Variants in CACNB2 observed in about 807,000 individuals in gnomAD.
CACNB2 encodes calcium voltage-gated channel auxiliary subunit beta 2.
Under a neutral mutation model 73.3 loss-of-function variants are expected in CACNB2, and 42 were observed. That is an observed-to-expected ratio of 0.57 (90% CI 0.45 to 0.74). CACNB2 has a LOEUF of 0.74. CACNB2 is among the 30% of genes least tolerant of loss of function. The pLI is 0.00. For missense variants in CACNB2, 940 were observed against 853.0 expected (o/e 1.10, Z -1.27); for synonymous variants, 348 against 310.3 (o/e 1.12, Z -1.28).
chr10:18,151,222 T>C (rs1004100719), intron 2 of CACNB2: 3 of 423,860 alleles, frequency 7.1e-6, no homozygotes, highest in East Asian at 4.2e-5. Flanking sequence ...GAGGATTTCT[T>C]TGAAACAGTG....
chr10:18,248,237 G>A (rs1312540100), intron 2 of CACNB2, among the ~76,000 whole-genome samples: 1 of 152,134 alleles, frequency 6.6e-6, no homozygotes, highest in East Asian at 1.9e-4. Context: ...TTCTTTATGA[G>A]GAAGTAGAGA....
intron 3 of CACNB2, among the ~76,000 whole-genome samples, chr10:18,449,340 G>C (rs1035130943): frequency 1.3e-5 from 2 of 152,074 alleles, no homozygotes; most frequent in Non-Finnish European, 2.9e-5. Flanking sequence ...AGCCGAGATC[G>C]CGCCACTGCA....
chr10:18,269,077 T>C (rs1379061474), intron 2 of CACNB2, among the ~76,000 whole-genome samples: 1 of 152,184 alleles, frequency 6.6e-6, no homozygotes, highest in Admixed American at 6.5e-5. Context: ...GATAAGAACC[T>C]GTTTCACGAA....
At chr10:18,342,648 C>T (rs2041279040) in intron 2 of CACNB2, among the ~76,000 whole-genome samples, 1 of 152,090 alleles carries the variant, frequency 6.6e-6, no homozygotes, top group Non-Finnish European at 1.5e-5. Flanking sequence ...TTGAATAGGG[C>T]TTATAAACAC....
chr10:18,424,423 G>A (rs969340392), intron 3 of CACNB2, among the ~76,000 whole-genome samples: 9 of 152,150 alleles, frequency 5.9e-5, no homozygotes, highest in Admixed American at 2.6e-4. Context: ...TCATTGCCAC[G>A]GAAAGGTGTG....
At chr10:18,348,471 A>AGATG (rs1314003654) in intron 2 of CACNB2, among the ~76,000 whole-genome samples, 1 of 152,088 alleles carries the variant, frequency 6.6e-6, no homozygotes, top group Non-Finnish European at 1.5e-5. Flanking sequence ...ACGGATGGAC[A>AGATG]GATGGATGGA....
At chr10:18,294,712 G>C (rs1397944040) in intron 2 of CACNB2, among the ~76,000 whole-genome samples, 1 of 152,232 alleles carries the variant, frequency 6.6e-6, no homozygotes, top group African/African-American at 2.4e-5. Context: ...AAAATGCTCA[G>C]ATGCAAAGGC....
At chr10:18,467,853 A>G (rs928693028) in intron 3 of CACNB2, among the ~76,000 whole-genome samples, 5 of 152,236 alleles carry the variant, frequency 3.3e-5, no homozygotes, top group African/African-American at 4.8e-5. Flanking sequence ...ATGCATTGCA[A>G]TTGTTTGTAA....
At chr10:18,330,624 G>A (rs903095212) in intron 2 of CACNB2, among the ~76,000 whole-genome samples, 1 of 152,108 alleles carries the variant, frequency 6.6e-6, no homozygotes, top group Non-Finnish European at 1.5e-5. Context: ...CTGGGTGACA[G>A]AGCAAGACCC....
intron 10 of CACNB2, among the ~76,000 whole-genome samples, chr10:18,528,851 C>T (rs1481609231): frequency 1.3e-5 from 2 of 152,078 alleles, no homozygotes; most frequent in Non-Finnish European, 2.9e-5. Flanking sequence ...TTTATTTTGA[C>T]TTTTTTGAGA....
chr10:18,378,052 G>C (rs1048009314), intron 2 of CACNB2, among the ~76,000 whole-genome samples: 1 of 152,018 alleles, frequency 6.6e-6, no homozygotes, highest in Non-Finnish European at 1.5e-5. Flanking sequence ...TGTTGGGAAG[G>C]CATTATCATT....
chr10:18,324,665 G>A (rs2040515170), intron 2 of CACNB2, among the ~76,000 whole-genome samples: 1 of 152,244 alleles, frequency 6.6e-6, no homozygotes, highest in Non-Finnish European at 1.5e-5. Context: ...AGACCAGCCT[G>A]GCCAACATGG....
intron 3 of CACNB2, among the ~76,000 whole-genome samples, chr10:18,448,496 AAAAAAG>A (rs1487069025): frequency 9.5e-4 from 141 of 148,628 alleles, no homozygotes; most frequent in African/African-American, 8.8e-4. Context: ...AAAAAAAAAA[AAAAAAG>A]AAAAGAAAAG....
chr10:18,225,749 C>A (rs1331443942), intron 2 of CACNB2, among the ~76,000 whole-genome samples: 3 of 152,060 alleles, frequency 2.0e-5, no homozygotes, highest in African/African-American at 7.2e-5. Context: ...TAATGATCTT[C>A]CCACCTCAGT....
At chr10:18,478,698 TG>T (rs1335507193) in intron 3 of CACNB2, among the ~76,000 whole-genome samples, 1 of 152,168 alleles carries the variant, frequency 6.6e-6, no homozygotes, top group Non-Finnish European at 1.5e-5. Flanking sequence ...AAACAAGTTA[TG>T]GGAGTAGGGA....
chr10:18,275,829 A>G (rs976752482), intron 2 of CACNB2, among the ~76,000 whole-genome samples: 1 of 152,220 alleles, frequency 6.6e-6, no homozygotes, highest in African/African-American at 2.4e-5. Context: ...TTTCTAAATT[A>G]CCATGCAGAC....
chr10:18,454,201 G>A (rs974741216), intron 3 of CACNB2, among the ~76,000 whole-genome samples: 1 of 152,198 alleles, frequency 6.6e-6, no homozygotes, highest in Non-Finnish European at 1.5e-5. Context: ...ACATTCAGGG[G>A]AAGTAGTACC....
intron 2 of CACNB2, among the ~76,000 whole-genome samples, chr10:18,316,315 A>G (rs1245609266): frequency 6.6e-6 from 1 of 152,164 alleles, no homozygotes; most frequent in East Asian, 1.9e-4. Context: ...TAAGTTCTCA[A>G]TAATGTTGGG....
At chr10:18,484,704 G>C (rs536317471) in intron 3 of CACNB2, among the ~76,000 whole-genome samples, 2 of 152,126 alleles carry the variant, frequency 1.3e-5, no homozygotes, top group African/African-American at 4.8e-5. Flanking sequence ...CCTGTCTCTC[G>C]TGCCACTCTG....
Sources: gnomAD v4.1 joint callset for allele counts (sites outside exome capture counted in the v4.1 genomes callset) on GRCh38, gnomAD v4.1.1 for gene constraint, MANE v1.5 for transcripts, NCBI Gene and HGNC (gene_info 2026-07-23, HGNC 2026-07-21) for gene names.